The following PDE4B variants were observed in gnomAD, a reference collection of about 807,000 sequenced individuals.
PDE4B encodes the protein 3',5'-cyclic-AMP phosphodiesterase 4B.
Under a neutral mutation model 82.2 loss-of-function variants are expected in PDE4B, and 20 were observed. That is an observed-to-expected ratio of 0.24 (90% CI 0.17 to 0.35). The LOEUF (loss-of-function observed/expected upper bound fraction) is 0.35. PDE4B is among the 10% of genes least tolerant of loss of function. The pLI is 1.00. For synonymous variants in PDE4B, 320 were observed against 318.9 expected (o/e 1.00, Z -0.04); for missense variants, 655 against 907.2 (o/e 0.72, Z 3.57).
rs541637231 is a variant in PDE4B at position 65,954,263 on chromosome 1, T to A, written c.281+35428T>A. ...TGTATTTCAGCACAATCATGAGTTA[T>A]ATGGTTCAGAGAACTTGTTTCTTAT... On this transcript the variant is annotated intron_variant, in intron 3 of 16. Coordinates refer to ENST00000341517, the MANE Select transcript of PDE4B (RefSeq NM_002600.4). Among the ~76,000 whole-genome samples, 6 of 152,208 alleles carry A rather than the reference T, an allele frequency of 3.9e-5. No homozygotes were observed. The South Asian group carries it at 1.2e-3, about 32-fold the overall frequency.
At chr1:66,059,216 C>G (rs144799894) in intron 3 of PDE4B, among the ~76,000 whole-genome samples, 1 of 152,312 alleles carries the variant, frequency 6.6e-6, no homozygotes, top group African/African-American at 2.4e-5. Context: ...CCATCTGAGA[C>G]CACCTCAGCC....
chr1:66,153,374 G>A (rs929348931), intron 3 of PDE4B, among the ~76,000 whole-genome samples: 1 of 152,114 alleles, frequency 6.6e-6, no homozygotes, highest in Non-Finnish European at 1.5e-5. Context: ...ACCCCCAACA[G>A]ATGTCCTTGA....
chr1:66,306,959 T>A (rs1357134086), intron 7 of PDE4B, among the ~76,000 whole-genome samples: 1 of 152,108 alleles, frequency 6.6e-6, no homozygotes, highest in East Asian at 1.9e-4. Flanking sequence ...GGCATCTAAA[T>A]GAAAATAACA....
At chr1:66,039,592 C>G (rs966919274) in intron 3 of PDE4B, among the ~76,000 whole-genome samples, 1 of 151,980 alleles carries the variant, frequency 6.6e-6, no homozygotes, top group Admixed American at 6.6e-5. Flanking sequence ...TTCTATCTAT[C>G]CACTGATCTA....
intron 1 of PDE4B, among the ~76,000 whole-genome samples, chr1:65,901,250 C>T (rs1259792848): frequency 6.6e-6 from 1 of 152,008 alleles, no homozygotes; most frequent in Non-Finnish European, 1.5e-5. Flanking sequence ...TGTGATGAAT[C>T]ACATTTATTG....
intron 1 of PDE4B, among the ~76,000 whole-genome samples, chr1:65,908,539 T>A (rs1184729730): frequency 2.6e-5 from 4 of 152,170 alleles, no homozygotes; most frequent in African/African-American, 2.4e-5. Context: ...TTTAGGTGTA[T>A]CTATACATTT....
chr1:66,020,187 C>G (rs965076563), intron 3 of PDE4B, among the ~76,000 whole-genome samples: 3 of 152,258 alleles, frequency 2.0e-5, no homozygotes, highest in African/African-American at 2.4e-5. Flanking sequence ...AACAGTGTAG[C>G]TAGGCCTGGT....
intron 3 of PDE4B, among the ~76,000 whole-genome samples, chr1:66,226,301 T>TAG (rs59234325): frequency 0.62 from 94,523 of 151,758 alleles, 30,050 homozygotes; most frequent in Non-Finnish European, 0.68. Context: ...AGGAACAAGA[T>TAG]AGCAAGGTCC....
At chr1:65,998,810 A>G (rs570941787) in intron 3 of PDE4B, among the ~76,000 whole-genome samples, 1 of 152,010 alleles carries the variant, frequency 6.6e-6, no homozygotes, top group Admixed American at 6.6e-5. Flanking sequence ...CTATTAGCTC[A>G]GTCCTAATTT....
chr1:66,049,765 G>A (rs1477637874), intron 3 of PDE4B, among the ~76,000 whole-genome samples: 1 of 151,916 alleles, frequency 6.6e-6, no homozygotes, highest in African/African-American at 2.4e-5. Context: ...CAGCAAGGTG[G>A]GGTTGGATAC....
chr1:65,834,319 C>T (rs948110642), intron 1 of PDE4B, among the ~76,000 whole-genome samples: 1 of 152,214 alleles, frequency 6.6e-6, no homozygotes, highest in African/African-American at 2.4e-5. Context: ...GCTGGGATTA[C>T]AGGCGCCTGG....
At position 66,027,042 on chromosome 1, in the gene PDE4B, T is replaced by C. The variant is rs1653475389; in HGVS notation, c.281+108207T>C. ...AAGTGCATATTCAAATTCTTGGCCT[T>C]TGTTTTACCTGTTAGCTTTAATGTA... is the stretch of plus-strand genomic sequence containing the variant. On this transcript the variant is annotated intron_variant, in intron 3 of 16. Coordinates refer to ENST00000341517, the MANE Select transcript of PDE4B (RefSeq NM_002600.4). Among the ~76,000 whole-genome samples the C allele has an allele frequency of 2.0e-5, 3 of 152,254 alleles. 1 individual carries two copies. The highest frequency in any genetic ancestry group is 4.1e-4 in the South Asian group (2 of 4,834).
At chr1:66,155,422 T>C (rs1041831236) in intron 3 of PDE4B, among the ~76,000 whole-genome samples, 1 of 152,154 alleles carries the variant, frequency 6.6e-6, no homozygotes, top group African/African-American at 2.4e-5. Context: ...TTCAAAAATA[T>C]ATGCCTCCAC....
chr1:66,128,304 A>C (rs1386105502), intron 3 of PDE4B, among the ~76,000 whole-genome samples: 1 of 152,184 alleles, frequency 6.6e-6, no homozygotes, highest in Non-Finnish European at 1.5e-5. Context: ...CCAAAGGAAC[A>C]CTTTATTTTA....
intron 1 of PDE4B, among the ~76,000 whole-genome samples, chr1:65,910,319 CT>C (rs1187212559): frequency 6.6e-6 from 1 of 152,204 alleles, no homozygotes; most frequent in Non-Finnish European, 1.5e-5. Context: ...TGAGATAATG[CT>C]TGCCGACCTT....
At chr1:66,225,349 A>G (rs942639034) in intron 3 of PDE4B, among the ~76,000 whole-genome samples, 8 of 152,206 alleles carry the variant, frequency 5.3e-5, no homozygotes, top group African/African-American at 1.4e-4. Context: ...GCCAAAACTC[A>G]TGGCACAATA....
intron 3 of PDE4B, among the ~76,000 whole-genome samples, chr1:66,037,598 T>A (rs781552384): frequency 2.6e-5 from 4 of 152,136 alleles, no homozygotes; most frequent in African/African-American, 4.8e-5. Flanking sequence ...CCTATTTTGA[T>A]GCCTTTTATT....
At chr1:65,833,967 AT>A (rs1331751451) in intron 1 of PDE4B, among the ~76,000 whole-genome samples, 1 of 152,174 alleles carries the variant, frequency 6.6e-6, no homozygotes, top group Non-Finnish European at 1.5e-5. Flanking sequence ...TCATGTCTGT[AT>A]GGTGGATATA....
intron 8 of PDE4B, among the ~76,000 whole-genome samples, chr1:66,336,946 C>G (rs1414639896): frequency 6.6e-6 from 1 of 152,194 alleles, no homozygotes; most frequent in Non-Finnish European, 1.5e-5. Context: ...AATTAGGCTG[C>G]ATGACACTGG....
Sources: gnomAD v4.1 joint callset for allele counts (sites outside exome capture counted in the v4.1 genomes callset) on GRCh38, gnomAD v4.1.1 for gene constraint, MANE v1.5 for transcripts, NCBI Gene and HGNC (gene_info 2026-07-23, HGNC 2026-07-21) for gene names.